The following LONP2 variants were observed in gnomAD, a reference collection of about 807,000 sequenced individuals.
LONP2 encodes lon peptidase 2, peroxisomal, also known as lon protease homolog 2, peroxisomal.
LONP2 carries 60 observed loss-of-function variants against 85.6 expected under a neutral mutation model. That is an observed-to-expected ratio of 0.70 (90% CI 0.57 to 0.87). The LOEUF is 0.87. Ranked by LOEUF, LONP2 falls within the 40% of genes least tolerant of loss-of-function variation. The probability of loss-of-function intolerance (pLI) is 0.00; values close to 1 mark genes in which losing one functional copy is unlikely to be tolerated. For synonymous variants in LONP2, 395 were observed against 389.7 expected (o/e 1.01, Z -0.16); for missense variants, 860 against 1,063.5 (o/e 0.81, Z 2.66).
intron 8 of LONP2, among the ~76,000 whole-genome samples, chr16:48,289,056 G>A (rs1284258120): frequency 3.3e-5 from 5 of 152,084 alleles, no homozygotes; most frequent in African/African-American, 4.8e-5. Context: ...TGTCAACTCT[G>A]TTATTTTCTT....
In LONP2 at chr16:48,270,198, G is replaced by T. The variant is rs1239113925; in HGVS notation, c.1165G>T (p.Ala389Ser). ...TAAAACAAGTGTGGGAAGATCAGTG[G>T]CCAAGACTCTAGGTCGAGAGTTCCA... ...VGKTSVGRSV[A>S]KTLGREFHRI... is the part of the protein sequence containing the mutation. Residue 389 changes from alanine (A) to serine (S), a missense_variant, in exon 7 of 15, where the codon GCC becomes TCC. By Grantham distance (99) the Ala-to-Ser change is moderately conservative. This residue lies in a region of LONP2 where 743 missense variants were observed against 917.3 expected (regional missense o/e 0.81). Transcript: ENST00000285737. 1 of 1,614,012 alleles carries T rather than the reference G, an allele frequency of 6.2e-7. No homozygotes were observed. Among genetic ancestry groups the T allele is most frequent in the African/African-American group, 1.3e-5 (1 of 75,022 alleles).
Position 48,256,595 on chromosome 16 carries a change from T to C in LONP2, c.469-15T>C. The C allele has an allele frequency of 1.2e-6, 2 of 1,607,192 alleles. No homozygotes were observed. Among genetic ancestry groups the C allele is most frequent in the Non-Finnish European group, 1.7e-6 (2 of 1,178,222 alleles). On this transcript the variant is annotated splice_polypyrimidine_tract_variant and intron_variant, in intron 2 of 14. Transcript: ENST00000285737. ...TGCCAGATTTCATTTAAAAGACTTT[T>C]TTTCCCCCTTCTAGTTGGTTGAAAT...
At chr16:48,278,323 G>A (rs1334533548) in intron 8 of LONP2, among the ~76,000 whole-genome samples, 2 of 151,958 alleles carry the variant, frequency 1.3e-5, no homozygotes, top group East Asian at 1.9e-4. Flanking sequence ...TTTGACATCC[G>A]GTTTTATGGC....
Position 48,355,680 on chromosome 16 carries a change from G to T in LONP2, c.*3878G>T, listed in dbSNP as rs1597011568. 6.6e-6 allele frequency: 1 copy of T among 152,016 alleles called. No homozygotes were observed. The highest frequency in any genetic ancestry group is 1.9e-4 in the East Asian group (1 of 5,192). The allele number at this position is 152,016 out of a possible 1,614,324, so 9.4% of individuals were successfully genotyped here. A position where few individuals can be genotyped will look rare whatever the true frequency, so the allele number is the denominator to read the frequency against. On this transcript the variant is annotated 3_prime_UTR_variant, in exon 15 of 15. Transcript: ENST00000285737. ...CATCCTTGCCAGCACTCATTTTCTG[G>T]GTTTTTTATAATAGCCCTCCAAATG...
intron 8 of LONP2, among the ~76,000 whole-genome samples, chr16:48,289,990 A>C (rs2150990933): frequency 6.6e-6 from 1 of 152,294 alleles, no homozygotes. Flanking sequence ...TGTAGGTGTT[A>C]TTCTAATGAC....
At chr16:48,276,926 C>T (rs1972220268) in intron 7 of LONP2, among the ~76,000 whole-genome samples, 1 of 152,122 alleles carries the variant, frequency 6.6e-6, no homozygotes. Context: ...GGCCCAGGGG[C>T]AGCCATTTCA....
At chr16:48,250,336 G>T (rs1325647447) in intron 1 of LONP2, among the ~76,000 whole-genome samples, 1 of 151,912 alleles carries the variant, frequency 6.6e-6, no homozygotes, top group African/African-American at 2.4e-5. Context: ...CAAAAAATTA[G>T]CTGGGCGTGG....
intron 3 of LONP2, among the ~76,000 whole-genome samples, chr16:48,257,866 G>T (rs1971792143): frequency 6.6e-6 from 1 of 152,296 alleles, no homozygotes; most frequent in Middle Eastern, 3.4e-3. Context: ...AACAGAGAGC[G>T]GCCTGTGCTC....
At chr16:48,296,633 G>A (rs144890801) in intron 9 of LONP2, among the ~76,000 whole-genome samples, 276 of 151,678 alleles carry the variant, frequency 1.8e-3, no homozygotes, top group African/African-American at 6.4e-3. Flanking sequence ...AGGCTGAGGC[G>A]GGAGAATCCC....
chr16:48,283,067 C>T (rs1972364492), intron 8 of LONP2, among the ~76,000 whole-genome samples: 2 of 152,216 alleles, frequency 1.3e-5, no homozygotes, highest in South Asian at 4.1e-4. Flanking sequence ...TAAGCCGAAA[C>T]CTAGTCCAGA....
intron 8 of LONP2, among the ~76,000 whole-genome samples, chr16:48,291,428 A>T (rs1567325985): frequency 6.6e-6 from 1 of 152,240 alleles, no homozygotes. Context: ...GCCTACAGAC[A>T]TCTATAGTTC....
rs1304877683 is a variant in LONP2 at position 48,269,999 on chromosome 16, G to C, written c.983-17G>C. 6.2e-7 allele frequency: 1 copy of C among 1,602,108 alleles called. No individual in the cohort carries two copies. Among genetic ancestry groups the C allele is most frequent in the Admixed American group, 1.7e-5 (1 of 57,342 alleles). ...AATTTTATGTGTTCTAATTATTTCT[G>C]TTGGGTTATTTGACAGACCGCCTGG... On this transcript the variant is annotated splice_polypyrimidine_tract_variant and intron_variant, in intron 6 of 14. Transcript: ENST00000285737.
intron 6 of LONP2, among the ~76,000 whole-genome samples, chr16:48,268,522 A>G (rs1200098774): frequency 6.6e-6 from 1 of 152,224 alleles, no homozygotes; most frequent in Non-Finnish European, 1.5e-5. Context: ...GGGACTTAGT[A>G]TATTATTCTT....
chr16:48,265,057 G>A (rs1021314454), intron 6 of LONP2, among the ~76,000 whole-genome samples: 3 of 152,062 alleles, frequency 2.0e-5, no homozygotes, highest in African/African-American at 7.2e-5. Flanking sequence ...GTCATGATAA[G>A]CACCTATTTG....
rs186395484 is a variant in LONP2 at position 48,353,117 on chromosome 16, T to C, written c.*1315T>C. 28 of 152,320 alleles carry C rather than the reference T, an allele frequency of 1.8e-4. No individual in the cohort carries two copies. The highest frequency in any genetic ancestry group is 6.5e-4 in the African/African-American group (27 of 41,574). The allele number at this position is 152,320 out of a possible 1,614,324, so 9.4% of individuals were successfully genotyped here. On this transcript the variant is annotated 3_prime_UTR_variant, in exon 15 of 15. Coordinates refer to ENST00000285737, the MANE Select transcript of LONP2 (RefSeq NM_031490.5). ...CAATGTATAGTAATATTAAGCAATT[T>C]CTAGTTATTATTCTAGCCAGTAATG...
rs753567609 is a variant in LONP2, at chr16:48,252,132, A to G, written c.235A>G (p.Ile79Val). 1 of 1,560,312 alleles carries G rather than the reference A, an allele frequency of 6.4e-7. No homozygotes were observed. Among genetic ancestry groups the G allele is most frequent in the Non-Finnish European group, 8.7e-7 (1 of 1,147,844 alleles). ...ACCGATGTTTTGTGTGTTTTTCAGG[A>G]TTGGCACAGCTGCACTGGCCGTTCA... ...DAQDLPPLHR[I>V]GTAALAVQVV... is the part of the protein sequence containing the mutation. The change falls in exon 2 of 15, where the codon ATT becomes GTT. Residue 79 changes from isoleucine to valine, a missense_variant and splice_region_variant. Around this residue, in one of 3 missense-constraint regions of LONP2, gnomAD observed 743 missense variants for 917.3 expected, o/e 0.81. Transcript: ENST00000285737.
At chr16:48,316,682 T>G (rs1165740679) in intron 11 of LONP2, among the ~76,000 whole-genome samples, 1 of 152,222 alleles carries the variant, frequency 6.6e-6, no homozygotes, top group Non-Finnish European at 1.5e-5. Flanking sequence ...ATTTTCTATC[T>G]TTTTATCTAT....
At chr16:48,329,067 T>C (rs1171052561) in intron 11 of LONP2, among the ~76,000 whole-genome samples, 1 of 152,182 alleles carries the variant, frequency 6.6e-6, no homozygotes, top group South Asian at 2.1e-4. Context: ...ATTTTTAATA[T>C]CTCATGTAAT....
In LONP2 at chr16:48,278,592, C is replaced by T. The variant is rs1488303697; in HGVS notation, c.1383+1113C>T. Among the ~76,000 whole-genome samples, 3 of 152,122 alleles carry T rather than the reference C, an allele frequency of 2.0e-5. No homozygotes were observed. The East Asian group carries it at 5.8e-4, about 29-fold the overall frequency. ...AATTTTTCTATAGAATTGTACTTTGCCTCCATTTTACTTCACTTTCCCATT... is the reference window on the plus strand; with the variant it reads ...AATTTTTCTATAGAATTGTACTTTGTCTCCATTTTACTTCACTTTCCCATT... On this transcript the variant is annotated intron_variant, in intron 8 of 14. Transcript: ENST00000285737.
Sources: gnomAD v4.1 joint callset for allele counts (sites outside exome capture counted in the v4.1 genomes callset) on GRCh38, gnomAD v4.1.1 for gene constraint, gnomAD v4.1.1 regional missense constraint, MANE v1.5 for transcripts, NCBI Gene and HGNC (gene_info 2026-07-23, HGNC 2026-07-21) for gene names.